The following ESYT3 variants were observed in gnomAD, a reference collection of about 807,000 sequenced individuals.
The protein encoded by ESYT3 is extended synaptotagmin-3.
Under a neutral mutation model 111.5 loss-of-function variants are expected in ESYT3, and 101 were observed. That is an observed-to-expected ratio of 0.91 (90% CI 0.77 to 1.07). ESYT3 has a LOEUF of 1.07. ESYT3 is among the 50% of genes least tolerant of loss of function. The probability of loss-of-function intolerance (pLI) is 0.00; values close to 1 mark genes in which losing one functional copy is unlikely to be tolerated. For synonymous variants in ESYT3, 416 were observed against 446.8 expected, an observed-to-expected ratio of 0.93 and a Z score of 0.87; for missense variants, 1,097 against 1,109.4, an observed-to-expected ratio of 0.99 and a Z score of 0.16.
intron 1 of ESYT3, among the ~76,000 whole-genome samples, chr3:138,445,496 G>T (rs1361866530): frequency 6.6e-6 from 1 of 152,216 alleles, no homozygotes; most frequent in Non-Finnish European, 1.5e-5. Context: ...AACACCAACC[G>T]TGTTCCTCTT....
intron 1 of ESYT3, among the ~76,000 whole-genome samples, chr3:138,446,898 G>A (rs1437319061): frequency 6.6e-6 from 1 of 152,092 alleles, no homozygotes; most frequent in Non-Finnish European, 1.5e-5. Context: ...AGTCAGGCGT[G>A]GTGGTGCATA....
Position 138,477,926 on chromosome 3 carries a change from A to G in ESYT3, c.*1072A>G, listed in dbSNP as rs2033561435. On this transcript the variant is annotated 3_prime_UTR_variant, in exon 23 of 23. Coordinates refer to ENST00000389567, the MANE Select transcript of ESYT3 (RefSeq NM_031913.5). ...TGAAGCAGGGCAACATTCGAGAACA[A>G]AGTTTTGTCATGTTACTCTTATTCC... 1 of 152,102 alleles carries G rather than the reference A, an allele frequency of 6.6e-6. No individual in the cohort carries two copies. Among genetic ancestry groups the G allele is most frequent in the Non-Finnish European group, 1.5e-5 (1 of 68,022 alleles). 9.4% of individuals were successfully genotyped at this position (152,102 alleles called of 1,614,324 possible).
chr3:138,458,702 C>G (rs1411601147), intron 4 of ESYT3, among the ~76,000 whole-genome samples: 1 of 152,218 alleles, frequency 6.6e-6, no homozygotes, highest in Non-Finnish European at 1.5e-5. Flanking sequence ...AAGCCTGACG[C>G]CTTGTTACCT....
At chr3:138,461,330 C>T (rs1239633232) in intron 7 of ESYT3, among the ~76,000 whole-genome samples, 1 of 152,158 alleles carries the variant, frequency 6.6e-6, no homozygotes, top group Admixed American at 6.5e-5. Flanking sequence ...TGAGGAGTAG[C>T]TGGTCCTGGA....
chr3:138,456,525 A>G (rs781703439), intron 3 of ESYT3, among the ~76,000 whole-genome samples: 1 of 152,118 alleles, frequency 6.6e-6, no homozygotes, highest in Non-Finnish European at 1.5e-5. Flanking sequence ...GGTTGTCTCT[A>G]TGCCAGAGGT....
Position 138,472,741 on chromosome 3 carries a change from A to G in ESYT3, c.2119A>G (p.Met707Val), listed in dbSNP as rs770710015. 1.9e-6 allele frequency: 3 copies of G among 1,614,172 alleles called. No individual in the cohort carries two copies. The highest frequency in any genetic ancestry group is 4.5e-5 in the East Asian group (2 of 44,880). The change falls in exon 18 of 23, where the codon ATG (methionine) becomes GTG (valine). Residue 707 changes from methionine (M) to valine (V), a missense_variant. By Grantham distance (21) the Met-to-Val change is conservative. Coordinates refer to ENST00000389567, the MANE Select transcript of ESYT3 (RefSeq NM_031913.5). ...AGGGCCCATCAAGTCACCCAGACCC[A>G]TGAAATGCCCTGCCTCCCCATTCGC... ...SPGPIKSPRP[M>V]KCPASPFAWP...
At chr3:138,460,944 G>A (rs1193683462) in intron 7 of ESYT3, among the ~76,000 whole-genome samples, 1 of 152,214 alleles carries the variant, frequency 6.6e-6, no homozygotes, top group Non-Finnish European at 1.5e-5. Context: ...TTGGGCTGAC[G>A]TTCAGGTCCC....
At chr3:138,475,706 T>C (rs1263051902) in intron 20 of ESYT3, among the ~76,000 whole-genome samples, 5 of 151,940 alleles carry the variant, frequency 3.3e-5, no homozygotes, top group African/African-American at 1.2e-4. Context: ...GGCAGGCAGA[T>C]TATCTGAGGT....
intron 16 of ESYT3, chr3:138,470,536 A>C: frequency 8.7e-7 from 1 of 1,147,984 alleles, no homozygotes; most frequent in South Asian, 3.1e-5. Flanking sequence ...CTTGTCCAAG[A>C]TCTCATGACC....
rs1405042364 is a variant in ESYT3 at position 138,434,637 on chromosome 3, C to T, written c.-162C>T. ...CGGTGCATTTCCAGGCGCTGCTCTC[C>T]GTCGCAGAGAACCCTGAGCTCGGCG... is the stretch of plus-strand genomic sequence containing the variant. On this transcript the variant is annotated 5_prime_UTR_variant, in exon 1 of 23. Transcript: ENST00000389567. 1 of 638,242 alleles carries T rather than the reference C, an allele frequency of 1.6e-6. No individual in the cohort carries two copies. The highest frequency in any genetic ancestry group is 2.5e-6 in the Non-Finnish European group (1 of 392,808). The allele number at this position is 638,242 out of a possible 1,614,324, so 39.5% of individuals were successfully genotyped here.
intron 1 of ESYT3, among the ~76,000 whole-genome samples, chr3:138,450,482 C>T (rs1329453405): frequency 6.6e-6 from 1 of 152,192 alleles, no homozygotes; most frequent in Non-Finnish European, 1.5e-5. Context: ...CCTCTGGGAA[C>T]CAGGCCGTAT....
At chr3:138,444,701 G>A (rs1417141651) in intron 1 of ESYT3, among the ~76,000 whole-genome samples, 1 of 152,212 alleles carries the variant, frequency 6.6e-6, no homozygotes, top group Non-Finnish European at 1.5e-5. Context: ...CTTTTAGAGG[G>A]CAGAGCAGGC....
At chr3:138,455,681 A>C (rs17282731) in intron 3 of ESYT3, among the ~76,000 whole-genome samples, 1 of 152,212 alleles carries the variant, frequency 6.6e-6, no homozygotes, top group Non-Finnish European at 1.5e-5. Flanking sequence ...TGCTAACCTC[A>C]GAGCCGGTGA....
At chr3:138,452,590 G>A (rs144434927) in intron 2 of ESYT3, among the ~76,000 whole-genome samples, 38 of 152,224 alleles carry the variant, frequency 2.5e-4, no homozygotes, top group African/African-American at 8.9e-4. Context: ...AACTCCCCTT[G>A]GGCTCTGCTG....
At chr3:138,439,540 C>T (rs2030986384) in intron 1 of ESYT3, among the ~76,000 whole-genome samples, 1 of 152,176 alleles carries the variant, frequency 6.6e-6, no homozygotes, top group Admixed American at 6.5e-5. Context: ...TTGGTAGGGG[C>T]CCCTGCGTGG....
In ESYT3 at chr3:138,440,012, G is replaced by A. The variant is rs1356449120; in HGVS notation, c.327+4887G>A. Among the ~76,000 whole-genome samples the A allele has an allele frequency of 6.6e-6, 1 of 152,118 alleles. No homozygotes were observed. The highest frequency in any genetic ancestry group is 1.5e-5 in the Non-Finnish European group (1 of 68,020). On this transcript the variant is annotated intron_variant, in intron 1 of 22. Transcript: ENST00000389567. This position sits in a 1 kb window ranked among gnomAD's most constrained non-coding sequence, Gnocchi z 4.2. ...TCTTGGGAAGCCCCTTGTCCTCTCT[G>A]GGCCTCTGATTTCTCTGAAAATCAT... is the stretch of plus-strand genomic sequence containing the variant.
intron 16 of ESYT3, chr3:138,470,404 C>T (rs2033158754): frequency 5.9e-6 from 7 of 1,183,526 alleles, no homozygotes; most frequent in South Asian, 2.6e-5. Flanking sequence ...ATATTTGCTA[C>T]ACAGTACCCA....
At chr3:138,473,479 G>A in intron 18 of ESYT3, 57 bp from the exon 19 acceptor site, 1 of 1,463,328 alleles carries the variant, frequency 6.8e-7, no homozygotes, top group Non-Finnish European at 9.6e-7. Flanking sequence ...TTTGGGGGTG[G>A]CGGAAGAGGG....
In ESYT3 at chr3:138,434,777, AG is replaced by A; in HGVS notation, c.-19del. 6.6e-7 allele frequency: 1 copy of A among 1,512,924 alleles called. No homozygotes were observed. The allele number at this position is 1,512,924 out of a possible 1,614,324, so 93.7% of individuals were successfully genotyped here. A position where few individuals can be genotyped will look rare whatever the true frequency, so the allele number is the denominator to read the frequency against. ...CTAAGCTCGGGTGAAGCTCTCGGGAAGGGCAAGACTGCGGCGACGAGATGCG... is the reference window on the plus strand; with the variant it reads ...CTAAGCTCGGGTGAAGCTCTCGGGAAGGCAAGACTGCGGCGACGAGATGCG... On this transcript the variant is annotated 5_prime_UTR_variant, in exon 1 of 23. Transcript: ENST00000389567.
Sources: gnomAD v4.1 joint callset for allele counts (sites outside exome capture counted in the v4.1 genomes callset) on GRCh38, gnomAD v4.1.1 for gene constraint, Gnocchi (gnomAD v3.1) non-coding constraint, MANE v1.5 for transcripts, NCBI Gene and HGNC (gene_info 2026-07-23, HGNC 2026-07-21) for gene names.